The following ERI1 variants were observed in gnomAD, a reference collection of about 807,000 sequenced individuals.
ERI1 encodes the protein 3'-5' exoribonuclease 1.
ERI1 carries 39 observed loss-of-function variants against 39.7 expected under a neutral mutation model. The ratio of observed to expected loss-of-function variants is 0.98; its 90% CI spans 0.76 to 1.28. The LOEUF (loss-of-function observed/expected upper bound fraction) is 1.28. Among genes scored for constraint, ERI1 ranks in the 50% most tolerant of loss-of-function variants. The pLI, the probability that ERI1 is intolerant of heterozygous loss-of-function variation, is 0.00. For synonymous variants in ERI1, 204 were observed against 149.6 expected (o/e 1.36, Z -2.65); for missense variants, 581 against 416.9 (o/e 1.39, Z -3.43).
chr8:9,011,759 G>T lies in ERI1; in HGVS notation c.498+7G>T, dbSNP rs773039082. 6.3e-7 allele frequency: 1 copy of T among 1,578,858 alleles called. No homozygotes were observed. Among genetic ancestry groups the T allele is most frequent in the Non-Finnish European group, 8.7e-7 (1 of 1,155,200 alleles). ...TACGCATACTTTAGAAATAGTAAGT[G>T]AATTTTTGTATTTTAATTGTATTTC... On this transcript the variant is annotated splice_region_variant and intron_variant, in intron 3 of 6. Transcript: ENST00000250263.
chr8:9,096,379 C>G (rs1184019827), intron 3 of ERI1, among the ~76,000 whole-genome samples: 1 of 152,148 alleles, frequency 6.6e-6, no homozygotes, highest in Non-Finnish European at 1.5e-5. Flanking sequence ...TCTGAGGACA[C>G]CTACCCTTGG....
At chr8:9,099,372 G>T (rs879755776) in intron 3 of ERI1, among the ~76,000 whole-genome samples, 9 of 152,036 alleles carry the variant, frequency 5.9e-5, no homozygotes, top group Admixed American at 5.2e-4. Flanking sequence ...GAGCCAGGAG[G>T]TTTGCTTGAG....
At chr8:9,076,182 G>C (rs1799206983) in intron 3 of ERI1, among the ~76,000 whole-genome samples, 1 of 152,140 alleles carries the variant, frequency 6.6e-6, no homozygotes, top group Admixed American at 6.5e-5. Context: ...GGGCTCAAGT[G>C]GTCCTCCTAC....
intron 4 of ERI1, 117 bp downstream of exon 4, chr8:9,016,522 G>T: frequency 2.3e-6 from 1 of 443,916 alleles, no homozygotes. Flanking sequence ...ACCTTGCTTG[G>T]TAAAGATCTT....
intron 3 of ERI1, among the ~76,000 whole-genome samples, chr8:9,070,500 A>C (rs1799014189): frequency 1.3e-5 from 2 of 151,970 alleles, no homozygotes. Flanking sequence ...GAAAAACAAA[A>C]AGGACTCTAA....
chr8:9,079,648 A>G (rs1461441688), intron 3 of ERI1, among the ~76,000 whole-genome samples: 1 of 152,170 alleles, frequency 6.6e-6, no homozygotes, highest in Admixed American at 6.5e-5. Flanking sequence ...AGCCTTGGAT[A>G]TGAATTCCAT....
At chr8:9,092,871 C>T (rs1326424329) in intron 3 of ERI1, among the ~76,000 whole-genome samples, 3 of 152,196 alleles carry the variant, frequency 2.0e-5, no homozygotes, top group African/African-American at 4.8e-5. Flanking sequence ...ACCAAGGTTT[C>T]GGCAGGGTTG....
At chr8:9,026,833 A>C (rs1285448159) in intron 6 of ERI1, among the ~76,000 whole-genome samples, 1 of 151,156 alleles carries the variant, frequency 6.6e-6, no homozygotes, top group African/African-American at 2.4e-5. Flanking sequence ...CATTTCAGAT[A>C]AGGAATATTT....
intron 6 of ERI1, among the ~76,000 whole-genome samples, chr8:9,026,978 C>G (rs1173521955): frequency 6.6e-6 from 1 of 152,086 alleles, no homozygotes; most frequent in East Asian, 1.9e-4. Flanking sequence ...TCCTGTATAA[C>G]CAGAATAGGA....
At position 9,008,121 on chromosome 8, in the gene ERI1, A is replaced by G. The variant is rs764415140; in HGVS notation, c.260A>G (p.Lys87Arg). The change falls in exon 2 of 7, where the codon AAG becomes AGG. Residue 87 changes from lysine (K) to arginine (R), a missense_variant. Lys to Arg is a conservative substitution (Grantham distance 26). Coordinates refer to ENST00000250263, the MANE Select transcript of ERI1 (RefSeq NM_153332.4). The part of the protein sequence containing the change: ...NRMSKEELRA[K>R]LSEFKLETRG... Reference sequence around the variant, plus strand: ...ATGAGTAAGGAAGAACTCAGAGCTAAGCTTTCAGAATTCAAGCTTGAAACT... The same window carrying G: ...ATGAGTAAGGAAGAACTCAGAGCTAGGCTTTCAGAATTCAAGCTTGAAACT... 1 of 1,596,354 alleles carries G rather than the reference A, an allele frequency of 6.3e-7. No individual in the cohort carries two copies. Among genetic ancestry groups the G allele is most frequent in the Non-Finnish European group, 8.5e-7 (1 of 1,173,710 alleles).
intron 3 of ERI1, among the ~76,000 whole-genome samples, chr8:9,012,341 A>G (rs1206386030): frequency 6.6e-6 from 1 of 152,242 alleles, no homozygotes; most frequent in African/African-American, 2.4e-5. Context: ...TTATTAGTTA[A>G]GAAAGTCTAG....
chr8:9,007,824 T>A (rs1005776034), intron 1 of ERI1, 146 bp from the exon 2 acceptor site: 6 of 1,223,728 alleles, frequency 4.9e-6, no homozygotes, highest in Non-Finnish European at 6.6e-6. Flanking sequence ...TTCCTCCGTT[T>A]AGGAGCTGCA....
chr8:9,094,979 T>G (rs1014407641), intron 3 of ERI1, among the ~76,000 whole-genome samples: 1 of 151,984 alleles, frequency 6.6e-6, no homozygotes, highest in South Asian at 2.1e-4. Context: ...AAAACCATTA[T>G]GGCACAAAGG....
chr8:9,072,794 C>T (rs1191478757), intron 3 of ERI1, among the ~76,000 whole-genome samples: 1 of 152,146 alleles, frequency 6.6e-6, no homozygotes, highest in African/African-American at 2.4e-5. Flanking sequence ...CCGACAGAAG[C>T]AGCCCCAGAG....
chr8:9,080,978 A>G (rs7001055), intron 3 of ERI1, among the ~76,000 whole-genome samples: 13,975 of 152,278 alleles, frequency 0.092, 2,020 homozygotes, highest in African/African-American at 0.31. Flanking sequence ...TGGGTAATTT[A>G]TAAACAAAAA....
chr8:9,046,711 A>G (rs766710406), intron 3 of ERI1, among the ~76,000 whole-genome samples: 5 of 152,246 alleles, frequency 3.3e-5, no homozygotes, highest in Non-Finnish European at 7.3e-5. Flanking sequence ...TCTTTTATGC[A>G]GCTATTAGCT....
intron 3 of ERI1, among the ~76,000 whole-genome samples, chr8:9,073,765 C>T (rs1163886348): frequency 6.6e-6 from 1 of 152,088 alleles, no homozygotes; most frequent in Admixed American, 6.5e-5. Context: ...TTCAATTAAT[C>T]TTTCTCTATG....
intron 3 of ERI1, among the ~76,000 whole-genome samples, chr8:9,015,804 C>G (rs1315081829): frequency 6.7e-6 from 1 of 149,470 alleles, no homozygotes; most frequent in Non-Finnish European, 1.5e-5. Context: ...GTGTTAGCAA[C>G]TCTTAAACTA....
At chr8:9,058,621 G>C (rs995827185) in intron 3 of ERI1, among the ~76,000 whole-genome samples, 1 of 152,162 alleles carries the variant, frequency 6.6e-6, no homozygotes, top group Non-Finnish European at 1.5e-5. Flanking sequence ...ATCCCTGAAA[G>C]TATCGTCTTC....
Sources: allele counts gnomAD v4.1 joint callset (sites outside exome capture counted in the v4.1 genomes callset), GRCh38; gene constraint gnomAD v4.1.1; transcripts MANE v1.5; gene names NCBI Gene and HGNC (gene_info 2026-07-23, HGNC 2026-07-21).